The following ADGRV1 variants were observed in gnomAD, a reference collection of about 807,000 sequenced individuals.
ADGRV1 encodes G-protein coupled receptor 98.
ADGRV1 carries 359 observed loss-of-function variants against 596.2 expected under a neutral mutation model. That is an observed-to-expected ratio of 0.60 (90% CI 0.55 to 0.66). ADGRV1 has a LOEUF of 0.66. Among genes scored for constraint, ADGRV1 ranks in the 30% least tolerant of loss-of-function variants. The probability of loss-of-function intolerance (pLI) is 0.00; values close to 1 mark genes in which losing one functional copy is unlikely to be tolerated. For missense variants in ADGRV1, 7,274 were observed against 7,575.6 expected, an observed-to-expected ratio of 0.96 and a Z score of 1.48; for synonymous variants, 2,681 against 2,679.2, an observed-to-expected ratio of 1.00 and a Z score of -0.02.
intron 21 of ADGRV1, among the ~76,000 whole-genome samples, chr5:90,664,287 C>A (rs13159877): frequency 2.1e-5 from 3 of 140,330 alleles, no homozygotes; most frequent in East Asian, 2.4e-4. Flanking sequence ...CTTTTATTTC[C>A]TTGAGCAGTG....
chr5:90,793,835 T>G (rs1342355661), intron 70 of ADGRV1, among the ~76,000 whole-genome samples: 1 of 152,190 alleles, frequency 6.6e-6, no homozygotes, highest in Non-Finnish European at 1.5e-5. Context: ...TCTTTTTTGG[T>G]CACTTTAATA....
At chr5:90,559,002 G>C in intron 1 of ADGRV1, 85 bp downstream of exon 1, 13 of 1,216,616 alleles carry the variant, frequency 1.1e-5, no homozygotes, top group Non-Finnish European at 1.4e-5. Flanking sequence ...GCTGCAGGTG[G>C]GCGGCGAGGG....
At chr5:90,952,591 T>C (rs1447133433) in intron 83 of ADGRV1, among the ~76,000 whole-genome samples, 1 of 152,194 alleles carries the variant, frequency 6.6e-6, no homozygotes, top group African/African-American at 2.4e-5. Context: ...TAAAGTACAG[T>C]TGAGCTTCCA....
chr5:90,941,533 A>C (rs1265652824), intron 83 of ADGRV1, among the ~76,000 whole-genome samples: 2 of 152,208 alleles, frequency 1.3e-5, no homozygotes, highest in Non-Finnish European at 2.9e-5. Flanking sequence ...GCAGCAATCC[A>C]AAACTATTTA....
chr5:90,787,971 A>T, intron 67 of ADGRV1, 100 bp from the exon 68 acceptor site: 1 of 693,768 alleles, frequency 1.4e-6, no homozygotes, highest in Non-Finnish European at 2.2e-6. Flanking sequence ...TAATTTTCCT[A>T]TATGTGTATA....
chr5:90,810,615 GT>G lies in ADGRV1; in HGVS notation c.15357del (p.Ala5120GlnfsTer2), dbSNP rs1762350550. On this transcript the variant is annotated frameshift_variant, in exon 74 of 90. Coordinates refer to ENST00000405460, the MANE Select transcript of ADGRV1 (RefSeq NM_032119.4). LOFTEE classifies it high-confidence loss of function. ...CCCACGCCTGAATCTAGATTTCAGT[GT>G]TGCAGTGATTACAATATTGGATAAT... ...WSPRLNLDFS[V>X]AVITILDNDD... is the part of the protein sequence containing the mutation. 1 of 1,613,954 alleles carries G rather than the reference GT, an allele frequency of 6.2e-7. No homozygotes were observed. Among genetic ancestry groups the G allele is most frequent in the Non-Finnish European group, 8.5e-7 (1 of 1,179,884 alleles).
chr5:91,056,761 C>T (rs982235348), intron 85 of ADGRV1, among the ~76,000 whole-genome samples: 71 of 152,286 alleles, frequency 4.7e-4, no homozygotes, highest in African/African-American at 1.6e-3. Flanking sequence ...ACTTCTTGAA[C>T]CACCGCTGCT....
At chr5:91,006,230 G>A (rs982904859) in intron 85 of ADGRV1, among the ~76,000 whole-genome samples, 5 of 152,050 alleles carry the variant, frequency 3.3e-5, no homozygotes, top group Non-Finnish European at 7.4e-5. Context: ...CGTCTGAAGG[G>A]GAATACAGGT....
At position 90,853,428 on chromosome 5, in the gene ADGRV1, A is replaced by G. The variant is rs747992951; in HGVS notation, c.17349A>G (p.Ala5783=). Residue 5783 remains alanine, a synonymous_variant, in exon 80 of 90, where the codon GCA becomes GCG. Transcript: ENST00000405460. The part of the protein sequence containing the change: ...IPERLLDVQD[A]EIMAGKSTCK... ...AGAGGCTACTGGATGTCCAGGATGCAGAAATAATGGCTGGGAAAAGTACAT... is the reference window on the plus strand; with the variant it reads ...AGAGGCTACTGGATGTCCAGGATGCGGAAATAATGGCTGGGAAAAGTACAT... The G allele has an allele frequency of 8.1e-6, 13 of 1,613,606 alleles. No individual in the cohort carries two copies. The highest frequency in any genetic ancestry group is 1.7e-5 in the Admixed American group (1 of 59,990).
At chr5:91,137,509 A>G (rs1169079176) in intron 87 of ADGRV1, among the ~76,000 whole-genome samples, 2 of 152,232 alleles carry the variant, frequency 1.3e-5, no homozygotes, top group Non-Finnish European at 2.9e-5. Flanking sequence ...AGCAGGTACC[A>G]TATATTTTAC....
intron 85 of ADGRV1, among the ~76,000 whole-genome samples, chr5:91,007,054 A>G (rs1581771780): frequency 6.6e-6 from 1 of 152,246 alleles, no homozygotes; most frequent in Non-Finnish European, 1.5e-5. Context: ...AGTCATTCCA[A>G]TATACCCAAT....
At chr5:90,913,993 C>T (rs140876293) in intron 83 of ADGRV1, among the ~76,000 whole-genome samples, 1 of 152,234 alleles carries the variant, frequency 6.6e-6, no homozygotes, top group East Asian at 1.9e-4. Context: ...GTTACTTTAA[C>T]AGGGAAAATT....
chr5:90,854,656 A>G (rs886143629), intron 81 of ADGRV1, among the ~76,000 whole-genome samples: 2 of 152,136 alleles, frequency 1.3e-5, no homozygotes, highest in African/African-American at 4.8e-5. Context: ...ATGGACACAA[A>G]TGGGAAGGAA....
At chr5:90,871,171 ATAT>A (rs1484625806) in intron 83 of ADGRV1, among the ~76,000 whole-genome samples, 16 of 152,194 alleles carry the variant, frequency 1.1e-4, no homozygotes, top group African/African-American at 3.9e-4. Flanking sequence ...AAAAATATTA[ATAT>A]TATGCTATTC....
At chr5:90,562,723 A>G (rs1020033150) in intron 1 of ADGRV1, among the ~76,000 whole-genome samples, 4 of 152,190 alleles carry the variant, frequency 2.6e-5, no homozygotes, top group Non-Finnish European at 5.9e-5. Flanking sequence ...AAAGGGAAAC[A>G]CTGGCTGCTG....
Position 90,705,555 on chromosome 5 carries a change from A to T in ADGRV1, c.8542A>T (p.Ile2848Phe). Residue 2848 changes from isoleucine (I) to phenylalanine (F), a missense_variant, in exon 37 of 90, where the codon ATC becomes TTC. Around this residue, in one of 5 missense-constraint regions of ADGRV1, gnomAD observed 3,643 missense variants for 3,809.2 expected, o/e 0.96. Coordinates refer to ENST00000405460, the MANE Select transcript of ADGRV1 (RefSeq NM_032119.4). Reference sequence around the variant, plus strand: ...GGCTAACATAACAATTCAGCTTTTCATCAACAGAGAATTTGGATCTCTAGG... The same window carrying T: ...GGCTAACATAACAATTCAGCTTTTCTTCAACAGAGAATTTGGATCTCTAGG... ...QEANITIQLFINREFGSLGAI... is the reference protein window; with the variant it reads ...QEANITIQLFFNREFGSLGAI... 3 of 1,613,776 alleles carry T rather than the reference A, an allele frequency of 1.9e-6. No individual in the cohort carries two copies. The highest frequency in any genetic ancestry group is 2.5e-6 in the Non-Finnish European group (3 of 1,179,756).
chr5:90,797,895 A>G (rs1428386652), intron 70 of ADGRV1, among the ~76,000 whole-genome samples: 3 of 152,220 alleles, frequency 2.0e-5, no homozygotes, highest in African/African-American at 4.8e-5. Flanking sequence ...ACAAAGACAC[A>G]ATGTACCAGA....
At position 90,753,637 on chromosome 5, in the gene ADGRV1, C is replaced by A; in HGVS notation, c.11185C>A (p.Pro3729Thr). The A allele has an allele frequency of 6.2e-6, 10 of 1,611,462 alleles. No individual in the cohort carries two copies. The highest frequency in any genetic ancestry group is 8.5e-6 in the Non-Finnish European group (10 of 1,177,768). ...ITLTILADNI[P>T]ELSEVVIVTL... is the part of the protein sequence containing the mutation. ...TCTAACTATTCTTGCTGATAATATA[C>A]CAGAGTTATCAGAGGTTGTGATTGT... The change falls in exon 54 of 90, where the codon CCA becomes ACA. Residue 3729 changes from proline to threonine, a missense_variant. Physicochemically the swap from Pro to Thr is conservative, Grantham distance 38 (BLOSUM62 -1). Coordinates refer to ENST00000405460, the MANE Select transcript of ADGRV1 (RefSeq NM_032119.4).
intron 70 of ADGRV1, 105 bp downstream of exon 70, chr5:90,791,451 G>A: frequency 2.4e-6 from 2 of 839,666 alleles, no homozygotes; most frequent in Non-Finnish European, 3.6e-6. Flanking sequence ...GTATTTAAAT[G>A]GAACCACAAA....
Sources: gnomAD v4.1 joint callset for allele counts (sites outside exome capture counted in the v4.1 genomes callset) on GRCh38, gnomAD v4.1.1 for gene constraint, gnomAD v4.1.1 regional missense constraint, MANE v1.5 for transcripts, NCBI Gene and HGNC (gene_info 2026-07-23, HGNC 2026-07-21) for gene names.